Variants in SLC39A11 observed in about 807,000 individuals in gnomAD.
SLC39A11 encodes the protein solute carrier family 39 member 11.
In SLC39A11, 33 loss-of-function variants were observed where a neutral mutation model predicts 36.1. The observed-to-expected ratio is 0.91, with a 90% CI of 0.69 to 1.22. SLC39A11 has a LOEUF of 1.22. Ranked by LOEUF, SLC39A11 falls within the 50% of genes most tolerant of loss-of-function variation. The pLI is 0.00. For missense variants in SLC39A11, 432 were observed against 430.3 expected (o/e 1.00, Z -0.03); for synonymous variants, 166 against 170.3 (o/e 0.97, Z 0.20).
chr17:72,654,934 G>A (rs1025772011), intron 7 of SLC39A11, among the ~76,000 whole-genome samples: 1 of 152,174 alleles, frequency 6.6e-6, no homozygotes, highest in African/African-American at 2.4e-5. Context: ...TCCTGTCTGG[G>A]AGCCACCATC....
At chr17:72,842,664 C>G (rs941866122) in intron 6 of SLC39A11, among the ~76,000 whole-genome samples, 2 of 152,186 alleles carry the variant, frequency 1.3e-5, no homozygotes, top group African/African-American at 4.8e-5. Context: ...AGGCTGCAGT[C>G]TCGGGTTGGT....
At chr17:72,815,398 T>C (rs1304693542) in intron 6 of SLC39A11, among the ~76,000 whole-genome samples, 2 of 152,112 alleles carry the variant, frequency 1.3e-5, no homozygotes, top group Admixed American at 1.3e-4. Context: ...GGCAGGTGGA[T>C]CACGAGGTCA....
At chr17:72,679,639 G>C (rs183093482) in intron 7 of SLC39A11, among the ~76,000 whole-genome samples, 258 of 152,356 alleles carry the variant, frequency 1.7e-3, no homozygotes, top group Middle Eastern at 0.01. Context: ...GGGCCAACGT[G>C]TGTAGAGACA....
intron 5 of SLC39A11, among the ~76,000 whole-genome samples, chr17:72,906,581 C>A (rs1000357891): frequency 2.0e-5 from 3 of 151,418 alleles, no homozygotes; most frequent in Non-Finnish European, 4.4e-5. Context: ...GCCTGCCTTG[C>A]TGTGAGAGAT....
intron 7 of SLC39A11, among the ~76,000 whole-genome samples, chr17:72,679,367 T>A (rs1179901190): frequency 1.3e-5 from 2 of 152,152 alleles, no homozygotes; most frequent in Non-Finnish European, 2.9e-5. Context: ...TCTACAGGTA[T>A]GCTAAAAATA....
chr17:72,648,672 T>G, intron 9 of SLC39A11, 131 bp downstream of exon 9: 1 of 1,115,502 alleles, frequency 9.0e-7, no homozygotes, highest in Non-Finnish European at 1.3e-6. Flanking sequence ...GCAGTGGGGA[T>G]GATCTTGGGA....
rs565029219 is a variant in SLC39A11, at chr17:72,742,575, C to G, written c.602-5856G>C. Among the ~76,000 whole-genome samples the G allele has an allele frequency of 2.6e-5, 4 of 152,306 alleles. No homozygotes were observed. The South Asian group carries it at 8.3e-4, about 32-fold the overall frequency. On this transcript the variant is annotated intron_variant, in intron 6 of 9. Transcript: ENST00000255559. Reference sequence around the variant, plus strand: ...AAGCAAACTATTTCCTGACACTAGACAGGCGTATCCCTCCCTTTGAGAAAA... The same window carrying G: ...AAGCAAACTATTTCCTGACACTAGAGAGGCGTATCCCTCCCTTTGAGAAAA...
In SLC39A11 at chr17:72,810,819, G is replaced by A. The variant is rs142569810; in HGVS notation, c.601+38815C>T. Among the ~76,000 whole-genome samples, 14 of 152,092 alleles carry A rather than the reference G, an allele frequency of 9.2e-5. No homozygotes were observed. The East Asian group carries it at 2.5e-3, about 27-fold the overall frequency. ...TCCTGCCTCAGCCTCTTGAGTAGCT[G>A]GGATTATAGGTGCACACCACTACAT... On this transcript the variant is annotated intron_variant, in intron 6 of 9. Transcript: ENST00000255559.
chr17:72,882,085 G>T (rs1049691307), intron 5 of SLC39A11, among the ~76,000 whole-genome samples: 1 of 152,174 alleles, frequency 6.6e-6, no homozygotes, highest in Non-Finnish European at 1.5e-5. Flanking sequence ...CGGTGTGGTG[G>T]CTCATACCTG....
chr17:72,888,957 C>T (rs184211804), intron 5 of SLC39A11, among the ~76,000 whole-genome samples: 280 of 152,106 alleles, frequency 1.8e-3, no homozygotes, highest in African/African-American at 5.8e-3. Flanking sequence ...TAACTAGATA[C>T]AGTTGCAGAG....
chr17:72,914,412 T>C (rs1471950454), intron 5 of SLC39A11, among the ~76,000 whole-genome samples: 5 of 152,042 alleles, frequency 3.3e-5, no homozygotes. Context: ...AGCAGTGATA[T>C]AGTATTAGGT....
chr17:72,813,487 CT>C (rs2077491959), intron 6 of SLC39A11, among the ~76,000 whole-genome samples: 1 of 152,198 alleles, frequency 6.6e-6, no homozygotes, highest in African/African-American at 2.4e-5. Context: ...TACCATGGTT[CT>C]TTATGAAGCT....
At position 73,085,613 on chromosome 17, in the gene SLC39A11, G is replaced by A. The variant is rs147930338; in HGVS notation, c.109-767C>T. Among the ~76,000 whole-genome samples the A allele has an allele frequency of 4.2e-3, 558 of 132,808 alleles. 5 individuals are homozygous for A. Among genetic ancestry groups the A allele is most frequent in the African/African-American group, 0.015 (518 of 34,822 alleles). 87.1% of individuals were successfully genotyped at this position (132,808 alleles called of 152,430 possible). A position where few individuals can be genotyped will look rare whatever the true frequency, so the allele number is the denominator to read the frequency against. ...GCCAAGATCATGCCATTGCACTCTAGCCTAGGCAACAAGAGCAAAACTCCG... is the reference window on the plus strand; with the variant it reads ...GCCAAGATCATGCCATTGCACTCTAACCTAGGCAACAAGAGCAAAACTCCG... On this transcript the variant is annotated intron_variant, in intron 2 of 9. Transcript: ENST00000255559.
intron 7 of SLC39A11, among the ~76,000 whole-genome samples, chr17:72,720,056 C>T (rs1015592116): frequency 6.6e-6 from 1 of 152,190 alleles, no homozygotes; most frequent in South Asian, 2.1e-4. Context: ...CCCTTGCCGT[C>T]GACACCCCTA....
intron 7 of SLC39A11, among the ~76,000 whole-genome samples, chr17:72,691,452 C>G (rs922888264): frequency 6.6e-6 from 1 of 152,226 alleles, no homozygotes; most frequent in South Asian, 2.1e-4. Flanking sequence ...TTCCAGCAGA[C>G]AGATTCATCT....
At chr17:72,772,105 C>T (rs1014186158) in intron 6 of SLC39A11, among the ~76,000 whole-genome samples, 2 of 152,166 alleles carry the variant, frequency 1.3e-5, no homozygotes, top group African/African-American at 4.8e-5. Context: ...TCCCAGAGTC[C>T]TTTCCAGGCC....
intron 4 of SLC39A11, among the ~76,000 whole-genome samples, chr17:72,971,271 T>C (rs2087426623): frequency 6.6e-6 from 1 of 151,834 alleles, no homozygotes; most frequent in Non-Finnish European, 1.5e-5. Context: ...CTTACAGAAA[T>C]AATCATGGTT....
At chr17:73,091,518 C>T (rs1241660595) in intron 1 of SLC39A11, among the ~76,000 whole-genome samples, 5 of 152,138 alleles carry the variant, frequency 3.3e-5, no homozygotes, top group Non-Finnish European at 1.5e-5. Flanking sequence ...AAAATGAGTT[C>T]TCCTGCCCCA....
intron 4 of SLC39A11, among the ~76,000 whole-genome samples, chr17:73,006,568 C>A (rs1472136816): frequency 3.3e-5 from 5 of 152,078 alleles, no homozygotes; most frequent in Non-Finnish European, 7.4e-5. Flanking sequence ...TGTGTTCACC[C>A]TGCTTTAGTT....
Sources: allele counts gnomAD v4.1 joint callset (sites outside exome capture counted in the v4.1 genomes callset), GRCh38; gene constraint gnomAD v4.1.1; transcripts MANE v1.5; gene names NCBI Gene and HGNC (gene_info 2026-07-23, HGNC 2026-07-21).